The following TRIM33 variants were observed in gnomAD, a reference collection of about 807,000 sequenced individuals.
TRIM33 encodes E3 ubiquitin-protein ligase TRIM33.
TRIM33 carries 20 observed loss-of-function variants against 125.4 expected under a neutral mutation model. The observed-to-expected ratio is 0.16, with a 90% CI of 0.11 to 0.23. TRIM33 has a LOEUF of 0.23. Ranked by LOEUF, TRIM33 falls within the 10% of genes least tolerant of loss-of-function variation. The pLI is 1.00. For synonymous variants in TRIM33, 564 were observed against 513.9 expected (o/e 1.10, Z -1.32); for missense variants, 920 against 1,411.4 (o/e 0.65, Z 5.58).
chr1:114,418,024 T>C (rs1653043266), intron 11 of TRIM33, among the ~76,000 whole-genome samples: 1 of 152,190 alleles, frequency 6.6e-6, no homozygotes, highest in South Asian at 2.1e-4. Context: ...ATCAGTTCGT[T>C]TTCACACTGC....
At chr1:114,420,697 T>C (rs1653229868) in intron 11 of TRIM33, among the ~76,000 whole-genome samples, 1 of 152,230 alleles carries the variant, frequency 6.6e-6, no homozygotes, top group South Asian at 2.1e-4. Context: ...GTATACAATG[T>C]AATGCTCTGA....
intron 5 of TRIM33, 62 bp downstream of exon 5, chr1:114,433,555 T>C (rs1648099309): frequency 9.8e-7 from 1 of 1,019,454 alleles, no homozygotes; most frequent in African/African-American, 1.6e-5. Flanking sequence ...AAAACAGATT[T>C]AAACTGGACC....
At chr1:114,489,002 A>C (rs905998023) in intron 1 of TRIM33, among the ~76,000 whole-genome samples, 2 of 152,176 alleles carry the variant, frequency 1.3e-5, no homozygotes, top group Non-Finnish European at 2.9e-5. Flanking sequence ...GTAAGCCCTG[A>C]GTGCACCACT....
rs577443915 is a variant in TRIM33, at chr1:114,495,721, G to A, written c.526+14830C>T. Among the ~76,000 whole-genome samples, 5 of 152,196 alleles carry A rather than the reference G, an allele frequency of 3.3e-5. No individual in the cohort carries two copies. In the South Asian group the frequency reaches 1.0e-3, roughly 32 times the overall value. On this transcript the variant is annotated intron_variant, in intron 1 of 19. Transcript: ENST00000358465. ...GAAAATTGGATGGATGTCAAGAGCA[G>A]CCTAGATTACAGCCAAAAGCATAAG...
intron 1 of TRIM33, among the ~76,000 whole-genome samples, chr1:114,509,089 T>C (rs1453930686): frequency 1.3e-5 from 2 of 152,216 alleles, no homozygotes; most frequent in African/African-American, 4.8e-5. Flanking sequence ...ACTGGTCTCC[T>C]TGTCTCCAGC....
At chr1:114,502,667 C>T (rs945589555) in intron 1 of TRIM33, among the ~76,000 whole-genome samples, 7 of 151,968 alleles carry the variant, frequency 4.6e-5, no homozygotes, top group South Asian at 2.1e-4. Flanking sequence ...CCACCACACT[C>T]GGATAATTTT....
At chr1:114,423,189 T>A (rs1572036068) in intron 10 of TRIM33, among the ~76,000 whole-genome samples, 1 of 152,160 alleles carries the variant, frequency 6.6e-6, no homozygotes, top group African/African-American at 2.4e-5. Flanking sequence ...TAACGATAAT[T>A]TGGTCCACAG....
Position 114,397,589 on chromosome 1 carries a change from G to GTTTTTTTTTTTTTTTTTTTTTTTTTTTTT in TRIM33, c.*58_*59insAAAAAAAAAAAAAAAAAAAAAAAAAAAAA. On this transcript the variant is annotated 3_prime_UTR_variant, in exon 20 of 20. Coordinates refer to ENST00000358465, the MANE Select transcript of TRIM33 (RefSeq NM_015906.4). Reference sequence around the variant, plus strand: ...CTTAAAAGTTTTCTGGGTTTTTTGTGTTTTTTTTTTTTTTTTCGTTTTTTT... The same window carrying GTTTTTTTTTTTTTTTTTTTTTTTTTTTTT: ...CTTAAAAGTTTTCTGGGTTTTTTGTGTTTTTTTTTTTTTTTTTTTTTTTTTTTTTTTTTTTTTTTTTTTTTCGTTTTTTT... The GTTTTTTTTTTTTTTTTTTTTTTTTTTTTT allele has an allele frequency of 1.6e-6, 1 of 612,120 alleles. No individual in the cohort carries two copies. Among genetic ancestry groups the GTTTTTTTTTTTTTTTTTTTTTTTTTTTTT allele is most frequent in the Non-Finnish European group, 2.4e-6 (1 of 408,176 alleles). The allele number at this position is 612,120 out of a possible 1,614,324, so 37.9% of individuals were successfully genotyped here.
In TRIM33 at chr1:114,393,901, A is replaced by G. The variant is rs144680058; in HGVS notation, c.*3747T>C. On this transcript the variant is annotated 3_prime_UTR_variant, in exon 20 of 20. Coordinates refer to ENST00000358465, the MANE Select transcript of TRIM33 (RefSeq NM_015906.4). ...AGATAGACTGGGTGATATGCATACA[A>G]ACTTTCCTATAAAATCACCATCCAG... 9.2e-6 allele frequency: 2 copies of G among 218,294 alleles called. No individual in the cohort carries two copies. Among genetic ancestry groups the G allele is most frequent in the Admixed American group, 1.2e-4 (2 of 17,296 alleles). The allele number at this position is 218,294 out of a possible 1,614,324, so 13.5% of individuals were successfully genotyped here.
intron 1 of TRIM33, among the ~76,000 whole-genome samples, chr1:114,503,594 T>C (rs954898494): frequency 2.0e-5 from 3 of 152,214 alleles, no homozygotes; most frequent in Admixed American, 1.3e-4. Context: ...ATCTTTGAAA[T>C]GTTGACATTA....
chr1:114,436,185 G>C (rs767142778), intron 4 of TRIM33, among the ~76,000 whole-genome samples: 2 of 151,478 alleles, frequency 1.3e-5, no homozygotes, highest in Non-Finnish European at 2.9e-5. Flanking sequence ...GGTGGATAAC[G>C]AGGTCAGGAG....
At chr1:114,489,614 G>A (rs1651925061) in intron 1 of TRIM33, among the ~76,000 whole-genome samples, 1 of 152,032 alleles carries the variant, frequency 6.6e-6, no homozygotes, top group South Asian at 2.1e-4. Flanking sequence ...GGGTGCAGTG[G>A]TGCACCTGTA....
rs757556175 is a variant in TRIM33, at chr1:114,425,445, T to C, written c.1695+4A>G. Reference sequence around the variant, plus strand: ...TATCAATAATGTAGTAACACGATACTTACCTGTTGTTGTAACATCTGAGGG... The same window carrying C: ...TATCAATAATGTAGTAACACGATACCTACCTGTTGTTGTAACATCTGAGGG... On this transcript the variant is annotated splice_donor_region_variant and intron_variant, in intron 9 of 19. Transcript: ENST00000358465. 5 of 1,613,420 alleles carry C rather than the reference T, an allele frequency of 3.1e-6. No individual in the cohort carries two copies. Among genetic ancestry groups the C allele is most frequent in the Non-Finnish European group, 4.2e-6 (5 of 1,179,662 alleles).
At position 114,510,429 on chromosome 1, in the gene TRIM33, TAG is replaced by T. The variant is rs1236969325; in HGVS notation, c.526+120_526+121del. On this transcript the variant is annotated intron_variant, in intron 1 of 19. Coordinates refer to ENST00000358465, the MANE Select transcript of TRIM33 (RefSeq NM_015906.4). Reference sequence around the variant, plus strand: ...TGTCCCAGGGGCGAGTCTTTCACCTTAGAGACCCCTCGGGATGGCGCCCGTCC... The same window carrying T: ...TGTCCCAGGGGCGAGTCTTTCACCTTAGACCCCTCGGGATGGCGCCCGTCC... 5.4e-6 allele frequency: 5 copies of T among 922,066 alleles called. No individual in the cohort carries two copies. In the Admixed American group the frequency reaches 1.0e-4, roughly 19 times the overall value. 57.1% of individuals were successfully genotyped at this position (922,066 alleles called of 1,614,324 possible). A position where few individuals can be genotyped will look rare whatever the true frequency, so the allele number is the denominator to read the frequency against.
chr1:114,463,497 C>T lies in TRIM33; in HGVS notation c.705G>A (p.Glu235=). The change falls in exon 3 of 20, where the codon GAG becomes GAA. Residue 235 remains glutamate, a synonymous_variant. Coordinates refer to ENST00000358465, the MANE Select transcript of TRIM33 (RefSeq NM_015906.4). ...CTTCGATACATGTCTTACATAGCCACTCTCCACATTCTACACAAAAGCCAA... is the reference window on the plus strand; with the variant it reads ...CTTCGATACATGTCTTACATAGCCATTCTCCACATTCTACACAAAAGCCAA... The part of the protein sequence containing the change: ...SAVGFCVECG[E]WLCKTCIEAH... 1 of 1,611,854 alleles carries T rather than the reference C, an allele frequency of 6.2e-7. No individual in the cohort carries two copies. The highest frequency in any genetic ancestry group is 8.5e-7 in the Non-Finnish European group (1 of 1,178,182).
chr1:114,503,579 C>T (rs1261522948), intron 1 of TRIM33, among the ~76,000 whole-genome samples: 2 of 152,280 alleles, frequency 1.3e-5, no homozygotes, highest in Admixed American at 6.5e-5. Flanking sequence ...CAATAAGCTA[C>T]GCAGATCTTT....
intron 12 of TRIM33, 77 bp downstream of exon 12, chr1:114,410,107 G>T: frequency 6.5e-7 from 1 of 1,531,838 alleles, no homozygotes; most frequent in Non-Finnish European, 9.0e-7. Flanking sequence ...TGTTTTTCTG[G>T]AGAATTCTGA....
chr1:114,506,865 GTGGTACC>G (rs1313667692), intron 1 of TRIM33, among the ~76,000 whole-genome samples: 20 of 152,228 alleles, frequency 1.3e-4, no homozygotes, highest in Non-Finnish European at 2.4e-4. Context: ...TCAAAGTGTG[GTGGTACC>G]ACCAGCATCA....
At chr1:114,455,690 C>T (rs1241615519) in intron 4 of TRIM33, among the ~76,000 whole-genome samples, 2 of 152,162 alleles carry the variant, frequency 1.3e-5, no homozygotes, top group African/African-American at 4.8e-5. Context: ...TGCAGCATTA[C>T]CATGGGACTG....
Sources: gnomAD v4.1 joint callset for allele counts (sites outside exome capture counted in the v4.1 genomes callset) on GRCh38, gnomAD v4.1.1 for gene constraint, MANE v1.5 for transcripts, NCBI Gene and HGNC (gene_info 2026-07-23, HGNC 2026-07-21) for gene names.